CNGB3: variants seen among roughly 807,000 people sequenced by gnomAD.
The protein encoded by CNGB3 is cyclic nucleotide gated channel subunit beta 3.
In CNGB3, 86 loss-of-function variants were observed where a neutral mutation model predicts 92.8. The ratio of observed to expected loss-of-function variants is 0.93; its 90% CI spans 0.78 to 1.11. CNGB3 has a LOEUF of 1.11. CNGB3 is among the 50% of genes least tolerant of loss of function. The probability of loss-of-function intolerance (pLI) is 0.00; values close to 1 mark genes in which losing one functional copy is unlikely to be tolerated. For synonymous variants in CNGB3, 333 were observed against 332.7 expected (o/e 1.00, Z -0.01); for missense variants, 1,026 against 956.8 (o/e 1.07, Z -0.95).
chr8:86,672,186 C>T (rs1447002099), intron 3 of CNGB3, among the ~76,000 whole-genome samples: 3 of 152,176 alleles, frequency 2.0e-5, no homozygotes, highest in South Asian at 4.2e-4. Flanking sequence ...GCAATCTCTG[C>T]CTCCCAGGTT....
intron 6 of CNGB3, among the ~76,000 whole-genome samples, chr8:86,654,645 A>T (rs564266114): frequency 6.6e-6 from 1 of 152,336 alleles, no homozygotes; most frequent in Non-Finnish European, 1.5e-5. Context: ...AAAGAAATGG[A>T]GAGATGAATA....
chr8:86,619,728 C>CTTTTTTTTTTT (rs71275868), intron 13 of CNGB3, among the ~76,000 whole-genome samples: 2 of 73,406 alleles, frequency 2.7e-5, no homozygotes, highest in Non-Finnish European at 2.4e-5. Context: ...TGGTCTTGAC[C>CTTTTTTTTTTT]TTTTTTTTTT....
intron 15 of CNGB3, among the ~76,000 whole-genome samples, chr8:86,587,477 C>T (rs1033988808): frequency 2.0e-5 from 3 of 152,152 alleles, no homozygotes; most frequent in East Asian, 1.9e-4. Flanking sequence ...TTAGGTCTAA[C>T]GTTTAAGTCT....
chr8:86,654,137 C>T, intron 6 of CNGB3, 75 bp from the exon 7 acceptor site: 1 of 988,322 alleles, frequency 1.0e-6, no homozygotes, highest in South Asian at 1.3e-5. Context: ...AAATTTATAA[C>T]TGTTTCTCTT....
intron 2 of CNGB3, among the ~76,000 whole-genome samples, chr8:86,727,829 G>C (rs1351250501): frequency 1.3e-5 from 2 of 152,032 alleles, no homozygotes; most frequent in Admixed American, 1.3e-4. Context: ...ATAGTTTGAA[G>C]ATATAAGCAA....
intron 3 of CNGB3, among the ~76,000 whole-genome samples, chr8:86,676,255 G>A (rs1029003386): frequency 1.3e-5 from 2 of 152,150 alleles, no homozygotes; most frequent in African/African-American, 2.4e-5. Flanking sequence ...GGTAACATGA[G>A]TGGGTGGTGA....
intron 10 of CNGB3, among the ~76,000 whole-genome samples, chr8:86,635,252 T>C (rs779013309): frequency 5.3e-5 from 8 of 152,036 alleles, no homozygotes; most frequent in Non-Finnish European, 1.0e-4. Flanking sequence ...GACCTGTGGG[T>C]CTCTTTAAAT....
chr8:86,694,378 G>T (rs556043568), intron 3 of CNGB3, among the ~76,000 whole-genome samples: 2 of 151,130 alleles, frequency 1.3e-5, no homozygotes. Context: ...CCTCCCGGAC[G>T]GGGTGGCTGG....
chr8:86,691,672 T>A (rs1824319350), intron 3 of CNGB3, among the ~76,000 whole-genome samples: 1 of 152,176 alleles, frequency 6.6e-6, no homozygotes, highest in Non-Finnish European at 1.5e-5. Flanking sequence ...ACTTTTCAAA[T>A]AACCAGTGTT....
At chr8:86,694,961 G>T (rs962076358) in intron 3 of CNGB3, among the ~76,000 whole-genome samples, 1 of 152,208 alleles carries the variant, frequency 6.6e-6, no homozygotes, top group Non-Finnish European at 1.5e-5. Flanking sequence ...CTGGGAGGTG[G>T]TTGTAGCGAG....
intron 6 of CNGB3, among the ~76,000 whole-genome samples, chr8:86,663,643 A>C (rs1009196115): frequency 6.6e-6 from 1 of 152,260 alleles, no homozygotes; most frequent in Non-Finnish European, 1.5e-5. Context: ...TGAATGATTC[A>C]GTGGTGTTAC....
chr8:86,667,749 T>C (rs1823771584), intron 5 of CNGB3, among the ~76,000 whole-genome samples: 1 of 152,158 alleles, frequency 6.6e-6, no homozygotes, highest in African/African-American at 2.4e-5. Flanking sequence ...AGTGCACATA[T>C]TGCGGAGTGC....
At chr8:86,581,952 C>T (rs890641934) in intron 15 of CNGB3, among the ~76,000 whole-genome samples, 7 of 152,064 alleles carry the variant, frequency 4.6e-5, no homozygotes, top group African/African-American at 1.7e-4. Context: ...ACACTAGAGG[C>T]CTGTTTACCT....
At chr8:86,694,845 G>C (rs375200743) in intron 3 of CNGB3, among the ~76,000 whole-genome samples, 1 of 149,354 alleles carries the variant, frequency 6.7e-6, no homozygotes. Context: ...GGCTCCTCAC[G>C]TCCCAGACGA....
At chr8:86,586,432 C>T (rs1821893486) in intron 15 of CNGB3, among the ~76,000 whole-genome samples, 1 of 150,914 alleles carries the variant, frequency 6.6e-6, no homozygotes, top group Non-Finnish European at 1.5e-5. Context: ...GTGTGCTGCA[C>T]CCACTAACTC....
intron 13 of CNGB3, among the ~76,000 whole-genome samples, chr8:86,614,458 C>T (rs565698386): frequency 6.6e-6 from 1 of 152,194 alleles, no homozygotes; most frequent in South Asian, 2.1e-4. Flanking sequence ...TCTCTCTCTC[C>T]CCACTGGTTG....
At chr8:86,629,723 G>A (rs1822923504) in intron 11 of CNGB3, among the ~76,000 whole-genome samples, 1 of 152,172 alleles carries the variant, frequency 6.6e-6, no homozygotes, top group African/African-American at 2.4e-5. Context: ...AATTACTGAA[G>A]CATCATCTAC....
intron 3 of CNGB3, chr8:86,707,923 T>G (rs972076092): frequency 6.6e-6 from 1 of 152,282 alleles, no homozygotes; most frequent in African/African-American, 2.4e-5. Flanking sequence ...ATTTTTGGGT[T>G]GAGCAAAGAG....
chr8:86,700,718 A>T (rs181151014), intron 3 of CNGB3, among the ~76,000 whole-genome samples: 4 of 152,276 alleles, frequency 2.6e-5, no homozygotes, highest in Non-Finnish European at 5.9e-5. Context: ...GGCTCACTGC[A>T]ACCTCCATCT....
Sources: allele counts gnomAD v4.1 joint callset (sites outside exome capture counted in the v4.1 genomes callset), GRCh38; gene constraint gnomAD v4.1.1; transcripts MANE v1.5; gene names NCBI Gene and HGNC (gene_info 2026-07-23, HGNC 2026-07-21).